The following SGCD variants were observed in gnomAD, a reference collection of about 807,000 sequenced individuals.
The protein encoded by SGCD is delta-sarcoglycan.
A neutral mutation model predicts 36.6 loss-of-function variants in SGCD; 18 were observed. That is an observed-to-expected ratio of 0.49 (90% CI 0.34 to 0.73). The LOEUF (loss-of-function observed/expected upper bound fraction) is 0.73. Among genes scored for constraint, SGCD ranks in the 30% least tolerant of loss-of-function variants. The pLI is 0.01. For missense variants in SGCD, 387 were observed against 346.7 expected (o/e 1.12, Z -0.92); for synonymous variants, 133 against 130.6 (o/e 1.02, Z -0.12).
intron 4 of SGCD, among the ~76,000 whole-genome samples, chr5:156,568,819 G>A (rs898483539): frequency 2.6e-5 from 4 of 152,184 alleles, no homozygotes; most frequent in Non-Finnish European, 4.4e-5. Flanking sequence ...ATTTGTTTCA[G>A]TTTCTCACAG....
intron 7 of SGCD, among the ~76,000 whole-genome samples, chr5:156,709,519 G>T (rs1476514405): frequency 6.6e-6 from 1 of 152,202 alleles, no homozygotes; most frequent in African/African-American, 2.4e-5. Flanking sequence ...AAGGGTTTGT[G>T]CTGAAGACAA....
At chr5:155,978,725 C>A (rs1372381459) in intron 1 of SGCD, among the ~76,000 whole-genome samples, 1 of 151,972 alleles carries the variant, frequency 6.6e-6, no homozygotes. Flanking sequence ...GTCTTCAAAC[C>A]TATAAATATA....
chr5:156,743,862 C>T (rs527808316), intron 7 of SGCD, among the ~76,000 whole-genome samples: 3 of 152,222 alleles, frequency 2.0e-5, no homozygotes, highest in Admixed American at 6.5e-5. Flanking sequence ...TCAAAGTGAC[C>T]CTTATTTGAC....
At chr5:155,759,083 C>A in the SGCD span, among the ~76,000 whole-genome samples, 2 of 151,878 alleles carry the variant, frequency 1.3e-5, no homozygotes, top group African/African-American at 4.8e-5. Flanking sequence ...CTCAAGTGAT[C>A]CTCCTGCCTT....
At position 156,055,653 on chromosome 5, in the gene SGCD, G is replaced by A. The variant is rs1425370502; in HGVS notation, c.-281-62225G>A. On this transcript the variant is annotated intron_variant, in intron 1 of 9. Coordinates refer to the SGCD transcript ENST00000517913. ...TTAGACTATATATTTTAAAGGAAAT[G>A]TACTCTTTAACAAACCTAATTTATC... Among the ~76,000 whole-genome samples the A allele has an allele frequency of 2.1e-5, 3 of 146,162 alleles. 1 individual carries two copies. The highest frequency in any genetic ancestry group is 1.9e-4 in the East Asian group (1 of 5,182).
chr5:156,330,529 TAGTC>T (rs1768020434), intron 2 of SGCD, among the ~76,000 whole-genome samples: 1 of 152,234 alleles, frequency 6.6e-6, no homozygotes, highest in Admixed American at 6.5e-5. Flanking sequence ...GAATAACTCT[TAGTC>T]TGTCTCCCTT....
intron 3 of SGCD, among the ~76,000 whole-genome samples, chr5:156,174,415 G>A (rs1763416503): frequency 6.6e-6 from 1 of 152,126 alleles, no homozygotes; most frequent in East Asian, 1.9e-4. Flanking sequence ...CTGGAGCATG[G>A]TGAACTGTGG....
chr5:156,547,402 A>T (rs1235943932), intron 4 of SGCD, among the ~76,000 whole-genome samples: 1 of 151,976 alleles, frequency 6.6e-6, no homozygotes, highest in Non-Finnish European at 1.5e-5. Context: ...TGTAAAGAGG[A>T]ATTTGTTGTA....
intron 1 of SGCD, among the ~76,000 whole-genome samples, chr5:156,114,727 AT>A (rs1761869048): frequency 6.6e-6 from 1 of 152,136 alleles, no homozygotes; most frequent in Non-Finnish European, 1.5e-5. Flanking sequence ...TGAAAGTAAA[AT>A]TCCTTCAGTA....
intron 3 of SGCD, among the ~76,000 whole-genome samples, chr5:156,149,063 A>G (rs1581130625): frequency 6.6e-6 from 1 of 152,150 alleles, no homozygotes; most frequent in Non-Finnish European, 1.5e-5. Context: ...TAACTTATAC[A>G]TTCATCAGAA....
chr5:156,124,343 T>C (rs892682492), intron 3 of SGCD, among the ~76,000 whole-genome samples: 1 of 152,174 alleles, frequency 6.6e-6, no homozygotes, highest in African/African-American at 2.4e-5. Flanking sequence ...TAGATACTTA[T>C]GTAATAAAAG....
the SGCD span, among the ~76,000 whole-genome samples, chr5:155,781,095 C>T: frequency 6.6e-6 from 1 of 152,112 alleles, no homozygotes; most frequent in South Asian, 2.1e-4. Context: ...GAATTTTAGG[C>T]TTAGAAATCA....
intron 3 of SGCD, among the ~76,000 whole-genome samples, chr5:156,429,528 G>A (rs2135029): frequency 0.67 from 101,302 of 151,100 alleles, 34,531 homozygotes; most frequent in Middle Eastern, 0.88. Context: ...GTATTAAGAT[G>A]TGAGGTCCCT....
At chr5:155,948,723 CAGA>C (rs1476501155) in intron 1 of SGCD, among the ~76,000 whole-genome samples, 4 of 152,144 alleles carry the variant, frequency 2.6e-5, no homozygotes, top group Admixed American at 2.0e-4. Context: ...TGGAGAGAAT[CAGA>C]AGACCTTAAG....
the SGCD span, among the ~76,000 whole-genome samples, chr5:155,759,368 A>G: frequency 2.0e-5 from 3 of 152,044 alleles, no homozygotes; most frequent in African/African-American, 7.2e-5. Context: ...TTTTCTCTCT[A>G]TTGCTTATTC....
intron 1 of SGCD, chr5:156,117,845 T>G (rs932745704): frequency 6.6e-6 from 1 of 152,136 alleles, no homozygotes; most frequent in African/African-American, 2.4e-5. Context: ...AATGACAGGT[T>G]TTTGCTGAGC....
At chr5:156,402,627 A>T (rs1197925982) in intron 3 of SGCD, among the ~76,000 whole-genome samples, 1 of 152,210 alleles carries the variant, frequency 6.6e-6, no homozygotes, top group African/African-American at 2.4e-5. Context: ...TTGTTCATAC[A>T]TGCATGAACT....
chr5:156,343,870 C>A (rs911533157), intron 2 of SGCD, among the ~76,000 whole-genome samples: 1 of 152,138 alleles, frequency 6.6e-6, no homozygotes, highest in African/African-American at 2.4e-5. Context: ...CAAAGACTAA[C>A]TCAGGGGGTA....
At chr5:156,553,430 A>G (rs1267311647) in intron 4 of SGCD, among the ~76,000 whole-genome samples, 1 of 152,052 alleles carries the variant, frequency 6.6e-6, no homozygotes, top group Non-Finnish European at 1.5e-5. Flanking sequence ...CCCATCCTAT[A>G]CCTACCTGTT....
Sources: gnomAD v4.1 joint callset for allele counts (sites outside exome capture counted in the v4.1 genomes callset) on GRCh38, gnomAD v4.1.1 for gene constraint, MANE v1.5 for transcripts, NCBI Gene and HGNC (gene_info 2026-07-23, HGNC 2026-07-21) for gene names.